The following WDR62 variants were observed in gnomAD, a reference collection of about 807,000 sequenced individuals.
WDR62 encodes WD repeat domain 62.
Under a neutral mutation model 160.6 loss-of-function variants are expected in WDR62, and 112 were observed. That is an observed-to-expected ratio of 0.70 (90% confidence interval 0.60 to 0.82). The LOEUF is 0.82. Ranked by LOEUF, WDR62 falls within the 40% of genes least tolerant of loss-of-function variation. WDR62 has a pLI of 0.00. For missense variants in WDR62, 1,819 were observed against 1,983.8 expected (o/e 0.92, Z 1.58); for synonymous variants, 792 against 815.1 (o/e 0.97, Z 0.48).
At chr19:36,062,335 C>T (rs1047702721) in intron 3 of WDR62, 1 of 152,082 alleles carries the variant, frequency 6.6e-6, no homozygotes, top group Non-Finnish European at 1.5e-5. Context: ...CAGTTGTAGA[C>T]ATGATGCCCC....
chr19:36,068,633 G>T (rs532984528), intron 7 of WDR62, among the ~76,000 whole-genome samples: 140 of 152,346 alleles, frequency 9.2e-4, no homozygotes, highest in Admixed American at 4.0e-3. Context: ...ATTTAACCCT[G>T]AATGGACACA....
In WDR62 at chr19:36,060,026, G is replaced by A. The variant is rs200316266; in HGVS notation, c.328G>A (p.Ala110Thr). 1.1e-4 allele frequency: 184 copies of A among 1,614,036 alleles called. No individual in the cohort carries two copies. The highest frequency in any genetic ancestry group is 1.4e-4 in the Non-Finnish European group (168 of 1,180,030). ...ENKQQHIFNT[A>T]RKSLSALAFS... Reference sequence around the variant, plus strand: ...CAAGCAGCAGCACATCTTTAACACCGCCAGGTAGGCTGAGGCCTGGGCCCG... The same window carrying A: ...CAAGCAGCAGCACATCTTTAACACCACCAGGTAGGCTGAGGCCTGGGCCCG... The change falls in exon 3 of 32, where the codon GCC becomes ACC. Residue 110 changes from alanine to threonine, a missense_variant. By Grantham distance (58) the Ala-to-Thr change is moderately conservative. Coordinates refer to ENST00000401500, the MANE Select transcript of WDR62 (RefSeq NM_001083961.2).
intron 8 of WDR62, 103 bp from the exon 9 acceptor site, chr19:36,073,239 A>T (rs1971392890): frequency 9.2e-7 from 1 of 1,085,812 alleles, no homozygotes; most frequent in East Asian, 2.4e-5. Context: ...CACAAATACC[A>T]TGAGGGATGG....
Position 36,091,746 on chromosome 19 carries a change from G to A in WDR62, c.2210+281G>A, listed in dbSNP as rs114106753. Among the ~76,000 whole-genome samples the A allele has an allele frequency of 6.7e-3, 1,017 of 151,834 alleles. 14 individuals are homozygous for A. Among genetic ancestry groups the A allele is most frequent in the African/African-American group, 0.024 (975 of 41,410 alleles). On this transcript the variant is annotated intron_variant, in intron 18 of 31. Transcript: ENST00000401500. ...ACCCTATCTCTACAAAAAATTAGCCGGGTGTGGTCATGTACACCTCTAGTC... is the reference window on the plus strand; with the variant it reads ...ACCCTATCTCTACAAAAAATTAGCCAGGTGTGGTCATGTACACCTCTAGTC...
At chr19:36,104,318 T>A (rs1484474826) in intron 30 of WDR62, among the ~76,000 whole-genome samples, 200 bp from the exon 31 acceptor site, 1 of 150,654 alleles carries the variant, frequency 6.6e-6, no homozygotes, top group African/African-American at 2.4e-5. Context: ...GGGGTTGGGA[T>A]TACAAACCAG....
intron 3 of WDR62, chr19:36,060,321 C>A: frequency 2.2e-6 from 1 of 458,204 alleles, no homozygotes; most frequent in Non-Finnish European, 4.0e-6. Context: ...TGTCTTCGGG[C>A]AGGTTTGTGG....
chr19:36,101,653 C>G lies in WDR62; in HGVS notation c.2972-11C>G, dbSNP rs1157246321. 2 of 1,548,322 alleles carry G rather than the reference C, an allele frequency of 1.3e-6. No individual in the cohort carries two copies. Among genetic ancestry groups the G allele is most frequent in the Admixed American group, 2.0e-5 (1 of 50,988 alleles). ...AGGCTGTGGGCTCCTGACCCCGACT[C>G]TGTCCTTCAGACTCGGGGGAGTCAG... On this transcript the variant is annotated splice_polypyrimidine_tract_variant and intron_variant, in intron 24 of 31. Transcript: ENST00000401500.
At chr19:36,055,221 G>A in intron 1 of WDR62, 73 bp downstream of exon 1, 1 of 1,519,364 alleles carries the variant, frequency 6.6e-7, no homozygotes, top group Non-Finnish European at 8.9e-7. Flanking sequence ...CCTGAGAACT[G>A]TGGCCCCGAC....
intron 20 of WDR62, among the ~76,000 whole-genome samples, chr19:36,095,891 G>C (rs1167041711): frequency 6.6e-6 from 1 of 152,172 alleles, no homozygotes; most frequent in Non-Finnish European, 1.5e-5. Flanking sequence ...CTGTATGTTG[G>C]TGAATACAAA....
intron 18 of WDR62, 27 bp from the exon 19 acceptor site, chr19:36,092,662 T>TTG: frequency 6.2e-7 from 1 of 1,613,742 alleles, no homozygotes; most frequent in Non-Finnish European, 8.5e-7. Flanking sequence ...TTCCTCTGCC[T>TTG]TGTGTGTCTC....
At chr19:36,078,560 C>T (rs974885141) in intron 9 of WDR62, among the ~76,000 whole-genome samples, 1 of 151,286 alleles carries the variant, frequency 6.6e-6, no homozygotes, top group Non-Finnish European at 1.5e-5. Flanking sequence ...GTAGGCCCAG[C>T]GTGGTGGCTC....
At chr19:36,079,056 T>C (rs1226856540) in intron 9 of WDR62, among the ~76,000 whole-genome samples, 1 of 152,076 alleles carries the variant, frequency 6.6e-6, no homozygotes, top group Non-Finnish European at 1.5e-5. Flanking sequence ...AACTCTGTCT[T>C]TTCTTTTTTT....
In WDR62 at chr19:36,101,304, G is replaced by A; in HGVS notation, c.2958G>A (p.Gln986=). The A allele has an allele frequency of 6.2e-6, 10 of 1,610,732 alleles. No homozygotes were observed. The highest frequency in any genetic ancestry group is 8.5e-6 in the Non-Finnish European group (10 of 1,179,026). ...TGTCCTCCGACAGCCCAAAGGACCAGAGCCCGCCTGAGGGTGAGTGCAGGG... is the reference window on the plus strand; with the variant it reads ...TGTCCTCCGACAGCCCAAAGGACCAAAGCCCGCCTGAGGGTGAGTGCAGGG... ...LRVSSDSPKD[Q]SPPEDSGESE... is the part of the protein sequence containing the mutation. The change falls in exon 24 of 32, where the codon CAG becomes CAA. Residue 986 remains glutamine (Q), a synonymous_variant. Coordinates refer to ENST00000401500, the MANE Select transcript of WDR62 (RefSeq NM_001083961.2).
At chr19:36,100,062 G>A (rs1973231672) in intron 22 of WDR62, among the ~76,000 whole-genome samples, 1 of 152,204 alleles carries the variant, frequency 6.6e-6, no homozygotes, top group African/African-American at 2.4e-5. Flanking sequence ...TTCAAGGCCA[G>A]CCTAGGCAAC....
intron 20 of WDR62, among the ~76,000 whole-genome samples, chr19:36,095,872 C>T (rs575392478): frequency 3.9e-5 from 6 of 152,358 alleles, no homozygotes; most frequent in African/African-American, 1.4e-4. Context: ...TGCAAAGTCT[C>T]TCATCTACCT....
intron 4 of WDR62, 44 bp from the exon 5 acceptor site, chr19:36,066,213 C>T (rs774779810): frequency 5.0e-6 from 8 of 1,613,022 alleles, no homozygotes; most frequent in Non-Finnish European, 6.8e-6. Context: ...TCTAGCCCTG[C>T]CCAGTACAGA....
In WDR62 at chr19:36,081,621, G is replaced by A. The variant is rs371310074; in HGVS notation, c.1371+51G>A. On this transcript the variant is annotated intron_variant, in intron 10 of 31. Coordinates refer to ENST00000401500, the MANE Select transcript of WDR62 (RefSeq NM_001083961.2). ...CTTTCAGGAGGAACAAAGACCTACT[G>A]TAAGCTTGAATGCAGGGGCAGGAGA... The A allele has an allele frequency of 2.4e-5, 38 of 1,613,400 alleles. No individual in the cohort carries two copies. In the African/African-American group the frequency reaches 3.9e-4, roughly 16 times the overall value.
chr19:36,100,084 C>T (rs1973233632), intron 22 of WDR62, among the ~76,000 whole-genome samples: 1 of 152,122 alleles, frequency 6.6e-6, no homozygotes, highest in South Asian at 2.1e-4. Context: ...TAGCAAGATC[C>T]CACCTCTACA....
At chr19:36,110,088 G>A (rs183733473), downstream of WDR62, among the ~76,000 whole-genome samples, 145 of 151,754 alleles carry the variant, frequency 9.6e-4, 1 homozygote, top group Middle Eastern at 6.8e-3. Flanking sequence ...AGCTTGGATT[G>A]CTTCTTAGTC....
Sources: gnomAD v4.1 joint callset for allele counts (sites outside exome capture counted in the v4.1 genomes callset) on GRCh38, gnomAD v4.1.1 for gene constraint, MANE v1.5 for transcripts, NCBI Gene and HGNC (gene_info 2026-07-23, HGNC 2026-07-21) for gene names.